UGT2B7: variants seen among roughly 807,000 people sequenced by gnomAD.
The protein encoded by UGT2B7 is UDP glucuronosyltransferase family 2 member B7, also known as UDP-glucuronosyltransferase 2B7.
Under a neutral mutation model 51.9 loss-of-function variants are expected in UGT2B7, and 51 were observed. The observed-to-expected ratio is 0.98, with a 90% confidence interval of 0.78 to 1.24. The LOEUF (loss-of-function observed/expected upper bound fraction) is 1.24, where lower values mean the gene tolerates loss of function less well. UGT2B7 is among the 50% of genes most tolerant of loss of function. UGT2B7 has a pLI of 0.00. For missense variants in UGT2B7, 727 were observed against 628.4 expected (o/e 1.16, Z -1.68); for synonymous variants, 225 against 211.6 (o/e 1.06, Z -0.55).
At chr4:69,063,274 G>A (rs1307587634) in intron 1 of UGT2B7, among the ~76,000 whole-genome samples, 4 of 137,726 alleles carry the variant, frequency 2.9e-5, no homozygotes, top group Non-Finnish European at 6.1e-5. Context: ...AGCCGAGATC[G>A]TGCCACTGTA....
At position 69,112,478 on chromosome 4, in the gene UGT2B7, AT is replaced by A. The variant is rs1257559504; in HGVS notation, c.1334del (p.Leu445TyrfsTer10). 1.9e-6 allele frequency: 3 copies of A among 1,613,684 alleles called. No homozygotes were observed. The highest frequency in any genetic ancestry group is 2.5e-6 in the Non-Finnish European group (3 of 1,179,790). On this transcript the variant is annotated frameshift_variant, in exon 6 of 6. Coordinates refer to ENST00000305231, the MANE Select transcript of UGT2B7 (RefSeq NM_001074.4). LOFTEE classifies it high-confidence loss of function. Reference sequence around the variant, plus strand: ...TCAGATATAAAGAGAATGTTATGAAATTATCAAGAATTCAACATGATCAACC... The same window carrying A: ...TCAGATATAAAGAGAATGTTATGAAATATCAAGAATTCAACATGATCAACC... ...DPSYKENVMK[L>X]SRIQHDQPVK... is the part of the protein sequence containing the mutation.
chr4:69,070,345 A>T (rs1308865563), intron 1 of UGT2B7, among the ~76,000 whole-genome samples: 1 of 148,882 alleles, frequency 6.7e-6, no homozygotes, highest in African/African-American at 2.4e-5. Flanking sequence ...GTTCGGAAGC[A>T]CATGTGCAAA....
intron 2 of UGT2B7, among the ~76,000 whole-genome samples, chr4:69,099,257 CAAAAAAAA>C (rs58121670): frequency 1.9e-5 from 2 of 105,746 alleles, no homozygotes; most frequent in African/African-American, 3.3e-5. Flanking sequence ...GAGAGACAGA[CAAAAAAAA>C]AAAAAAAAAA....
intron 1 of UGT2B7, among the ~76,000 whole-genome samples, chr4:69,088,481 C>CA (rs749073589): frequency 4.6e-5 from 7 of 152,020 alleles, no homozygotes; most frequent in South Asian, 2.1e-4. Context: ...ACTAGACTTG[C>CA]AGTGATTTCT....
chr4:69,101,298 C>T (rs1348054804), intron 2 of UGT2B7, among the ~76,000 whole-genome samples: 1 of 151,904 alleles, frequency 6.6e-6, no homozygotes, highest in Non-Finnish European at 1.5e-5. Flanking sequence ...ATATATTTTA[C>T]ATAAATAATA....
chr4:69,071,627 G>T (rs1171287159), intron 1 of UGT2B7, among the ~76,000 whole-genome samples: 2 of 152,146 alleles, frequency 1.3e-5, no homozygotes, highest in South Asian at 4.1e-4. Context: ...ACATGAAATA[G>T]ATTTTTATAG....
At chr4:69,101,484 T>C (rs916263277) in intron 2 of UGT2B7, among the ~76,000 whole-genome samples, 1 of 152,032 alleles carries the variant, frequency 6.6e-6, no homozygotes, top group African/African-American at 2.4e-5. Flanking sequence ...ACTGGGTGGA[T>C]AAATAAGGCT....
chr4:69,055,015 G>A lies in UGT2B7; in HGVS notation c.-159+3413G>A, dbSNP rs1189785571. On this transcript the variant is annotated intron_variant, in intron 1 of 5. Coordinates refer to the UGT2B7 transcript ENST00000502942. ...AAGTATGTAATCCAGGAAGTGACCA[G>A]CCTGATGCGTGTTATGACTCACTGT... Among the ~76,000 whole-genome samples the A allele has an allele frequency of 4.1e-5, 6 of 144,748 alleles. No homozygotes were observed. In the Admixed American group the frequency reaches 4.3e-4, roughly 10 times the overall value. 95.0% of individuals were successfully genotyped at this position (144,748 alleles called of 152,430 possible). A position where few individuals can be genotyped will look rare whatever the true frequency, so the allele number is the denominator to read the frequency against.
chr4:69,057,871 G>C (rs148504509), intron 1 of UGT2B7, among the ~76,000 whole-genome samples: 1 of 152,168 alleles, frequency 6.6e-6, no homozygotes, highest in Non-Finnish European at 1.5e-5. Flanking sequence ...GCCCTCTTTT[G>C]GTGTTGGCTG....
chr4:69,064,415 G>A (rs146523687), intron 1 of UGT2B7, among the ~76,000 whole-genome samples: 19 of 152,334 alleles, frequency 1.2e-4, no homozygotes, highest in South Asian at 4.1e-4. Context: ...AAGGTACTGC[G>A]AAGGTCATGA....
At chr4:69,104,026 C>T (rs1361372973) in intron 3 of UGT2B7, among the ~76,000 whole-genome samples, 4 of 152,088 alleles carry the variant, frequency 2.6e-5, no homozygotes, top group East Asian at 1.9e-4. Flanking sequence ...CGGTAGCTCA[C>T]GCCTGTAATC....
rs562589869 is a variant in UGT2B7 at position 69,083,779 on chromosome 4, G to T, written c.-158-5693G>T. Among the ~76,000 whole-genome samples, 76 of 152,074 alleles carry T rather than the reference G, an allele frequency of 5.0e-4. 1 individual carries two copies. Among genetic ancestry groups the T allele is most frequent in the African/African-American group, 1.7e-3 (71 of 41,526 alleles). On this transcript the variant is annotated intron_variant, in intron 1 of 5. Coordinates refer to the UGT2B7 transcript ENST00000502942. ...TTGTTGATCAATTTTAAGAGCTTTT[G>T]ATGGAGTCTTTAGGATTTTCTGTGT...
intron 3 of UGT2B7, among the ~76,000 whole-genome samples, chr4:69,103,459 C>G (rs574439615): frequency 6.6e-6 from 1 of 152,214 alleles, no homozygotes; most frequent in East Asian, 1.9e-4. Context: ...TCACAAAAGG[C>G]AACTTGAGAC....
At chr4:69,101,182 G>A (rs1221597890) in intron 2 of UGT2B7, among the ~76,000 whole-genome samples, 5 of 151,902 alleles carry the variant, frequency 3.3e-5, no homozygotes, top group African/African-American at 1.2e-4. Context: ...AAGATGACAA[G>A]TTTTTGCAGG....
chr4:69,104,855 G>A (rs1719545741), intron 3 of UGT2B7, among the ~76,000 whole-genome samples: 1 of 152,142 alleles, frequency 6.6e-6, no homozygotes, highest in African/African-American at 2.4e-5. Context: ...AGTCTGACAT[G>A]CATCATGCAA....
chr4:69,098,745 T>C, intron 2 of UGT2B7, 57 bp downstream of exon 2: 1 of 1,592,930 alleles, frequency 6.3e-7, no homozygotes, highest in Non-Finnish European at 8.5e-7. Context: ...GTAGAAATGA[T>C]TCTATAGTCT....
chr4:69,082,213 CACA>C (rs1443866921), intron 1 of UGT2B7, among the ~76,000 whole-genome samples: 5 of 151,908 alleles, frequency 3.3e-5, no homozygotes, highest in East Asian at 3.9e-4. Flanking sequence ...TTTCCTGAGA[CACA>C]ACAACATTGA....
intron 1 of UGT2B7, among the ~76,000 whole-genome samples, chr4:69,087,379 C>A (rs934078231): frequency 2.0e-5 from 3 of 151,842 alleles, no homozygotes; most frequent in Non-Finnish European, 2.9e-5. Flanking sequence ...CAATTTATAT[C>A]TTTTCATATT....
chr4:69,086,277 T>G (rs2109876655), intron 1 of UGT2B7, among the ~76,000 whole-genome samples: 1 of 152,022 alleles, frequency 6.6e-6, no homozygotes, highest in Admixed American at 6.6e-5. Flanking sequence ...TTAATTTATG[T>G]ATAGTTGTAC....
Sources: allele counts gnomAD v4.1 joint callset (sites outside exome capture counted in the v4.1 genomes callset), GRCh38; gene constraint gnomAD v4.1.1; transcripts MANE v1.5; gene names NCBI Gene and HGNC (gene_info 2026-07-23, HGNC 2026-07-21).